Variants in CTNND2 observed in about 807,000 individuals in gnomAD.
CTNND2 encodes catenin delta-2.
Under a neutral mutation model 144.4 loss-of-function variants are expected in CTNND2, and 22 were observed. The ratio of observed to expected loss-of-function variants is 0.15; its 90% CI spans 0.11 to 0.22. CTNND2 has a LOEUF of 0.22. Ranked by LOEUF, CTNND2 falls within the 10% of genes least tolerant of loss-of-function variation. CTNND2 has a pLI of 1.00. For synonymous variants in CTNND2, 751 were observed against 695.6 expected (o/e 1.08, Z -1.25); for missense variants, 1,353 against 1,618.8 (o/e 0.84, Z 2.82).
intron 9 of CTNND2, among the ~76,000 whole-genome samples, chr5:11,238,985 T>C (rs535247879): frequency 6.6e-6 from 1 of 152,374 alleles, no homozygotes; most frequent in South Asian, 2.1e-4. Flanking sequence ...ACAGTCCTTC[T>C]TATAAAAGTA....
chr5:11,203,319 C>A (rs1418523292), intron 10 of CTNND2, among the ~76,000 whole-genome samples: 1 of 152,212 alleles, frequency 6.6e-6, no homozygotes, highest in Non-Finnish European at 1.5e-5. Flanking sequence ...TCCCCCTAGT[C>A]GATCACTCCA....
chr5:11,655,908 G>C (rs1049932970), intron 2 of CTNND2, among the ~76,000 whole-genome samples: 9 of 151,848 alleles, frequency 5.9e-5, no homozygotes, highest in Admixed American at 5.9e-4. Flanking sequence ...ACACTCATTT[G>C]GTTTCTAATA....
intron 3 of CTNND2, among the ~76,000 whole-genome samples, chr5:11,426,860 G>T (rs1300042368): frequency 2.0e-5 from 3 of 152,148 alleles, no homozygotes; most frequent in African/African-American, 7.2e-5. Flanking sequence ...GCAATTCATG[G>T]TTCCATTTGC....
At chr5:11,081,072 T>TCACACA (rs55951127) in intron 16 of CTNND2, among the ~76,000 whole-genome samples, 1,679 of 145,056 alleles carry the variant, frequency 0.012, 14 homozygotes, top group Middle Eastern at 0.018. Context: ...TGAGACCCTG[T>TCACACA]CACACACACA....
At chr5:11,640,926 A>T (rs1419733596) in intron 2 of CTNND2, among the ~76,000 whole-genome samples, 1 of 152,122 alleles carries the variant, frequency 6.6e-6, no homozygotes, top group Non-Finnish European at 1.5e-5. Context: ...TGGCATTAGG[A>T]ACATACTCTA....
intron 5 of CTNND2, among the ~76,000 whole-genome samples, 149 bp downstream of exon 5, chr5:11,411,382 GGAACA>G (rs747640971): frequency 5.3e-5 from 8 of 152,086 alleles, no homozygotes; most frequent in African/African-American, 9.7e-5. Flanking sequence ...ATGTGGGAAG[GGAACA>G]GATGGGACGG....
intron 9 of CTNND2, among the ~76,000 whole-genome samples, chr5:11,337,231 T>A (rs1321290983): frequency 6.6e-6 from 1 of 152,194 alleles, no homozygotes; most frequent in African/African-American, 2.4e-5. Context: ...TGTTTAGATT[T>A]CACAACTTCC....
Position 11,356,567 on chromosome 5 carries a change from A to G in CTNND2, c.1372+8129T>C, listed in dbSNP as rs1304423231. On this transcript the variant is annotated intron_variant, in intron 8 of 21. Coordinates refer to ENST00000304623, the MANE Select transcript of CTNND2 (RefSeq NM_001332.4). ...CGACTCAAAATGGGTTAAAGACTTA[A>G]ATGTAAAACCAGAAACTTTGAAACA... Among the ~76,000 whole-genome samples, 3 of 152,280 alleles carry G rather than the reference A, an allele frequency of 2.0e-5. No individual in the cohort carries two copies. The East Asian group carries it at 5.8e-4, about 29-fold the overall frequency.
At chr5:11,472,948 C>A (rs1159584421) in intron 3 of CTNND2, among the ~76,000 whole-genome samples, 1 of 151,966 alleles carries the variant, frequency 6.6e-6, no homozygotes, top group Admixed American at 6.6e-5. Flanking sequence ...GTGGCGCATG[C>A]CTGTGGTCCT....
At chr5:11,231,564 C>G (rs1312416224) in intron 10 of CTNND2, among the ~76,000 whole-genome samples, 1 of 152,132 alleles carries the variant, frequency 6.6e-6, no homozygotes. Context: ...CTCTAGAGAT[C>G]TGTGGAGCTT....
chr5:11,851,274 C>T (rs1056765490), intron 1 of CTNND2, among the ~76,000 whole-genome samples: 8 of 151,778 alleles, frequency 5.3e-5, no homozygotes, highest in South Asian at 2.1e-4. Flanking sequence ...CGTGTGTGTG[C>T]GTATGTGGGT....
intron 2 of CTNND2, among the ~76,000 whole-genome samples, chr5:11,597,311 T>G (rs1779560011): frequency 6.6e-6 from 1 of 152,184 alleles, no homozygotes; most frequent in Non-Finnish European, 1.5e-5. Flanking sequence ...TTGAAATCAA[T>G]GTTTAGGTGT....
chr5:11,016,716 A>G (rs1474952493), intron 18 of CTNND2, among the ~76,000 whole-genome samples: 2 of 152,054 alleles, frequency 1.3e-5, no homozygotes, highest in Non-Finnish European at 2.9e-5. Flanking sequence ...GAATCCCTGC[A>G]TGGAAACCAA....
intron 9 of CTNND2, among the ~76,000 whole-genome samples, chr5:11,310,833 C>A (rs1750722460): frequency 7.0e-6 from 1 of 143,500 alleles, no homozygotes; most frequent in Non-Finnish European, 1.5e-5. Flanking sequence ...GTCCCATGTG[C>A]CCTTAACCCA....
intron 3 of CTNND2, among the ~76,000 whole-genome samples, chr5:11,528,167 G>T (rs190587742): frequency 6.6e-6 from 1 of 152,274 alleles, no homozygotes; most frequent in Admixed American, 6.5e-5. Flanking sequence ...TGAACATATT[G>T]TTACTACTGC....
intron 2 of CTNND2, among the ~76,000 whole-genome samples, chr5:11,584,221 T>C (rs751813567): frequency 6.6e-6 from 1 of 152,118 alleles, no homozygotes; most frequent in African/African-American, 2.4e-5. Context: ...GCGAAAGCTA[T>C]GCAATAAATA....
At chr5:11,595,666 G>A (rs771705292) in intron 2 of CTNND2, among the ~76,000 whole-genome samples, 6 of 152,004 alleles carry the variant, frequency 3.9e-5, no homozygotes, top group Non-Finnish European at 7.4e-5. Flanking sequence ...TGACCATCTC[G>A]GTAATAGTTC....
At chr5:11,306,868 C>T (rs1045888689) in intron 9 of CTNND2, among the ~76,000 whole-genome samples, 9 of 152,190 alleles carry the variant, frequency 5.9e-5, no homozygotes, top group African/African-American at 1.7e-4. Context: ...TGACAACTCC[C>T]TCATTCTGCC....
chr5:11,781,838 C>T (rs553194335), intron 1 of CTNND2, among the ~76,000 whole-genome samples: 52 of 152,314 alleles, frequency 3.4e-4, no homozygotes, highest in African/African-American at 1.2e-3. Flanking sequence ...TTTATAAATA[C>T]TAACTACCTG....
Sources: allele counts gnomAD v4.1 joint callset (sites outside exome capture counted in the v4.1 genomes callset), GRCh38; gene constraint gnomAD v4.1.1; transcripts MANE v1.5; gene names NCBI Gene and HGNC (gene_info 2026-07-23, HGNC 2026-07-21).